Variants in SEPTIN7 observed in about 807,000 individuals in gnomAD.
SEPTIN7 encodes the protein septin-7.
In SEPTIN7, 10 loss-of-function variants were observed where a neutral mutation model predicts 63.3. The ratio of observed to expected loss-of-function variants is 0.16; its 90% CI spans 0.10 to 0.27. SEPTIN7 has a LOEUF of 0.27. Among genes scored for constraint, SEPTIN7 ranks in the 10% least tolerant of loss-of-function variants. SEPTIN7 has a pLI of 1.00. For missense variants in SEPTIN7, 310 were observed against 521.0 expected (o/e 0.59, Z 3.94); for synonymous variants, 131 against 165.3 (o/e 0.79, Z 1.59).
At chr7:35,817,324 T>C (rs757399029) in intron 1 of SEPTIN7, among the ~76,000 whole-genome samples, 24 of 152,068 alleles carry the variant, frequency 1.6e-4, no homozygotes, top group Non-Finnish European at 2.9e-4. Context: ...CATTGTGTGG[T>C]CTTGACAACT....
chr7:35,865,580 G>C (rs1396566679), intron 4 of SEPTIN7, among the ~76,000 whole-genome samples: 2 of 151,792 alleles, frequency 1.3e-5, no homozygotes. Context: ...GAACATTCTT[G>C]TGTATGTCTT....
chr7:35,813,195 G>A (rs1176398583), intron 1 of SEPTIN7, among the ~76,000 whole-genome samples: 4 of 151,998 alleles, frequency 2.6e-5, no homozygotes, highest in African/African-American at 9.7e-5. Context: ...TAACTTACCC[G>A]CCTGAACACA....
chr7:35,864,823 C>T (rs573569386), intron 4 of SEPTIN7, among the ~76,000 whole-genome samples: 1 of 152,228 alleles, frequency 6.6e-6, no homozygotes, highest in Admixed American at 6.5e-5. Context: ...GAGTTGGCTT[C>T]ATTCAGGCAG....
chr7:35,890,683 C>T lies in SEPTIN7; in HGVS notation c.888C>T (p.Asp296=), dbSNP rs1787580824. ...RNMLIRTHMQ[D]LKDVTNNVHY... ...TTTATGACAGAACACACATGCAGGA[C>T]TTGAAAGATGTTACTAATAATGTCC... The change falls in exon 11 of 14, where the codon GAC becomes GAT. Residue 296 remains aspartate, a synonymous_variant. Transcript: ENST00000350320. The T allele has an allele frequency of 6.4e-7, 1 of 1,572,532 alleles. No individual in the cohort carries two copies. The highest frequency in any genetic ancestry group is 1.4e-5 in the African/African-American group (1 of 72,830).
At chr7:35,899,265 T>A (rs760373782) in intron 12 of SEPTIN7, 7 of 152,228 alleles carry the variant, frequency 4.6e-5, no homozygotes, top group Non-Finnish European at 1.0e-4. Flanking sequence ...CTGGGCATGG[T>A]GGCTCATGCC....
At chr7:35,862,225 A>G (rs1006797492) in intron 3 of SEPTIN7, among the ~76,000 whole-genome samples, 5 of 151,888 alleles carry the variant, frequency 3.3e-5, no homozygotes, top group African/African-American at 7.3e-5. Flanking sequence ...TCAGACTTCT[A>G]TTTTTCTTCC....
intron 1 of SEPTIN7, among the ~76,000 whole-genome samples, chr7:35,807,208 G>T (rs1197279687): frequency 1.3e-5 from 2 of 151,308 alleles, no homozygotes; most frequent in Admixed American, 6.6e-5. Context: ...TTTTGAAACG[G>T]AGTTTCGCTC....
intron 10 of SEPTIN7, among the ~76,000 whole-genome samples, chr7:35,889,161 G>T (rs1312512854): frequency 6.6e-6 from 1 of 152,214 alleles, no homozygotes; most frequent in African/African-American, 2.4e-5. Context: ...TGGGAAAAAG[G>T]TTTCCAAAGC....
rs1477351518 is a variant in SEPTIN7, at chr7:35,872,713, G to C, written c.324G>C (p.Leu108=). Residue 108 remains leucine (L), a synonymous_variant, in exon 5 of 14, where the codon CTG becomes CTC. Coordinates refer to ENST00000350320, the MANE Select transcript of SEPTIN7 (RefSeq NM_001788.6). ...TCAAAGAAGGTGGTGTTCAGTTGCT[G>C]CTCACAATAGTTGATACCCCAGGAT... The part of the protein sequence containing the change: ...VLIKEGGVQL[L]LTIVDTPGFG... The C allele has an allele frequency of 2.5e-6, 4 of 1,612,638 alleles. No individual in the cohort carries two copies. The African/African-American group carries it at 5.3e-5, about 22-fold the overall frequency.
rs1396994386 is a variant in SEPTIN7, at chr7:35,801,435, G to C, written c.61+165G>C. Among the ~76,000 whole-genome samples, 12 of 152,102 alleles carry C rather than the reference G, an allele frequency of 7.9e-5. No homozygotes were observed. The East Asian group carries it at 2.3e-3, about 30-fold the overall frequency. On this transcript the variant is annotated intron_variant, in intron 1 of 13. Coordinates refer to ENST00000350320, the MANE Select transcript of SEPTIN7 (RefSeq NM_001788.6). Reference sequence around the variant, plus strand: ...GCGGGCCCGGGGCGCGGCAGCGGCGGGCTCGGGGGGAGGGGAGGCGGCGGC... The same window carrying C: ...GCGGGCCCGGGGCGCGGCAGCGGCGCGCTCGGGGGGAGGGGAGGCGGCGGC...
chr7:35,876,466 T>A (rs1441736842), intron 6 of SEPTIN7, among the ~76,000 whole-genome samples: 1 of 152,218 alleles, frequency 6.6e-6, no homozygotes, highest in Admixed American at 6.5e-5. Flanking sequence ...TGAGATTGAA[T>A]ATTTCATGGC....
At chr7:35,863,943 A>G (rs1785659521) in intron 4 of SEPTIN7, among the ~76,000 whole-genome samples, 1 of 148,298 alleles carries the variant, frequency 6.7e-6, no homozygotes, top group Non-Finnish European at 1.5e-5. Flanking sequence ...TATGGTAGTC[A>G]TTTGCCACAT....
chr7:35,894,531 A>G (rs1787843057), intron 11 of SEPTIN7, among the ~76,000 whole-genome samples: 2 of 152,094 alleles, frequency 1.3e-5, no homozygotes. Flanking sequence ...TATATCTTTT[A>G]CTCTTTATTC....
chr7:35,815,820 G>T (rs1182568664), intron 1 of SEPTIN7, among the ~76,000 whole-genome samples: 1 of 151,524 alleles, frequency 6.6e-6, no homozygotes, highest in African/African-American at 2.4e-5. Context: ...GGCTGATTTT[G>T]TTTTTTTAAT....
At chr7:35,818,904 C>G (rs1789247550) in intron 1 of SEPTIN7, among the ~76,000 whole-genome samples, 1 of 150,184 alleles carries the variant, frequency 6.7e-6, no homozygotes, top group Non-Finnish European at 1.5e-5. Flanking sequence ...TTTTGTTGAT[C>G]TTTTCAGTGA....
chr7:35,838,143 T>C (rs1382090867), intron 3 of SEPTIN7, among the ~76,000 whole-genome samples: 1 of 152,110 alleles, frequency 6.6e-6, no homozygotes, highest in Non-Finnish European at 1.5e-5. Flanking sequence ...CTGAGGGCAT[T>C]ATTATTATTT....
chr7:35,850,808 G>T (rs1784919004), intron 3 of SEPTIN7, among the ~76,000 whole-genome samples: 1 of 152,052 alleles, frequency 6.6e-6, no homozygotes, highest in South Asian at 2.1e-4. Context: ...TCTTATCTTT[G>T]CATTCCTCGT....
chr7:35,909,635 T>C, downstream of SEPTIN7, among the ~76,000 whole-genome samples: 1 of 152,310 alleles, frequency 6.6e-6, no homozygotes, highest in East Asian at 1.9e-4. Context: ...CTGCAACAAG[T>C]GTTTGTGGAG....
chr7:35,878,588 A>G (rs1786624617), intron 6 of SEPTIN7, among the ~76,000 whole-genome samples: 2 of 152,298 alleles, frequency 1.3e-5, no homozygotes, highest in South Asian at 4.1e-4. Context: ...TGTTATAGTT[A>G]TTCATTCCAA....
Sources: gnomAD v4.1 joint callset for allele counts (sites outside exome capture counted in the v4.1 genomes callset) on GRCh38, gnomAD v4.1.1 for gene constraint, MANE v1.5 for transcripts, NCBI Gene and HGNC (gene_info 2026-07-23, HGNC 2026-07-21) for gene names.